Variants in ATP8B3 observed in about 807,000 individuals in gnomAD.
ATP8B3 encodes phospholipid-transporting ATPase IK.
ATP8B3 carries 141 observed loss-of-function variants against 140.9 expected under a neutral mutation model. That is an observed-to-expected ratio of 1.00 (90% CI 0.87 to 1.15). The LOEUF is 1.15. Ranked by LOEUF, ATP8B3 falls within the 50% of genes most tolerant of loss-of-function variation. ATP8B3 has a pLI of 0.00. For synonymous variants in ATP8B3, 765 were observed against 714.6 expected (o/e 1.07, Z -1.13); for missense variants, 1,874 against 1,740.6 (o/e 1.08, Z -1.36).
At chr19:1,784,715 C>A in intron 28 of ATP8B3, 104 bp downstream of exon 28, 1 of 1,400,490 alleles carries the variant, frequency 7.1e-7, no homozygotes. Flanking sequence ...TCTTGGAGGG[C>A]CGAGAGGGGC....
At position 1,806,039 on chromosome 19, in the gene ATP8B3, G is replaced by T; in HGVS notation, c.750+58C>A. ...GCGGCAGCCCTCCCCACCCTGGGAG[G>T]GGTGCTCTCGGTGAGGGGGCGCGTG... On this transcript the variant is annotated intron_variant, in intron 8 of 28. Transcript: ENST00000310127. This position sits in a 1 kb window ranked among gnomAD's most constrained non-coding sequence, Gnocchi z 5.6. 6.2e-7 allele frequency: 1 copy of T among 1,605,968 alleles called. No individual in the cohort carries two copies. The highest frequency in any genetic ancestry group is 8.5e-7 in the Non-Finnish European group (1 of 1,176,806).
rs56937286 is a variant in ATP8B3, at chr19:1,803,896, C to CAA, written c.905-1253_905-1252dup. 6.7e-3 allele frequency among the ~76,000 whole-genome samples: 481 copies of CAA among 71,782 alleles called. 6 individuals carry two copies. Among genetic ancestry groups the CAA allele is most frequent in the African/African-American group, 0.019 (394 of 20,416 alleles). 47.1% of individuals were successfully genotyped at this position (71,782 alleles called of 152,430 possible). ...GGGCAACAAGAGCGAGACTCTGTCT[C>CAA]AAAAAAAAAAAAAAAAAAAAAAAGG... is the stretch of plus-strand genomic sequence containing the variant. On this transcript the variant is annotated intron_variant, in intron 10 of 28. Coordinates refer to ENST00000310127, the MANE Select transcript of ATP8B3 (RefSeq NM_138813.4).
In ATP8B3 at chr19:1,785,492, A is replaced by AAGAC. The variant is rs778572569; in HGVS notation, c.3366_3369dup (p.Cys1124ValfsTer136). On this transcript the variant is annotated frameshift_variant, in exon 26 of 29. Coordinates refer to ENST00000310127, the MANE Select transcript of ATP8B3 (RefSeq NM_138813.4). LOFTEE classifies it high-confidence loss of function. ...ACCTCCATGGTGATGGACAGCAGGC[A>AAGAC]AGACAGGGCCACCACGACCGCAAAG... The AAGAC allele has an allele frequency of 1.9e-6, 3 of 1,612,768 alleles. No homozygotes were observed. In the African/African-American group the frequency reaches 4.0e-5, roughly 22 times the overall value.
rs570250779 is a variant in ATP8B3, at chr19:1,797,604, A to G, written c.1553-599T>C. ...AACCTCAGCCTCCTGGGTTCAAGTG[A>G]CTCTCCTGTCTCAGCCTCCCGAGTA... On this transcript the variant is annotated intron_variant, in intron 14 of 28. Coordinates refer to ENST00000310127, the MANE Select transcript of ATP8B3 (RefSeq NM_138813.4). Among the ~76,000 whole-genome samples the G allele has an allele frequency of 9.1e-4, 138 of 151,052 alleles. 3 individuals are homozygous for G. The South Asian group carries it at 0.027, about 29-fold the overall frequency.
In ATP8B3 at chr19:1,805,350, G is replaced by A; in HGVS notation, c.904+24C>T. The A allele has an allele frequency of 1.3e-6, 2 of 1,536,376 alleles. No homozygotes were observed. Among genetic ancestry groups the A allele is most frequent in the Non-Finnish European group, 1.8e-6 (2 of 1,130,466 alleles). ...TAACTTTTACAGATTCGAGGGACGT[G>A]ACTCCCTGCTCAACGCCTCTCACCT... On this transcript the variant is annotated intron_variant, in intron 10 of 28. Coordinates refer to ENST00000310127, the MANE Select transcript of ATP8B3 (RefSeq NM_138813.4). This position sits in a 1 kb window ranked among gnomAD's most constrained non-coding sequence, Gnocchi z 5.2.
chr19:1,785,402 G>T, intron 26 of ATP8B3, 67 bp downstream of exon 26: 10 of 1,573,322 alleles, frequency 6.4e-6, no homozygotes, highest in Non-Finnish European at 8.6e-6. Flanking sequence ...CCAAAGCAGG[G>T]GTCCCCAGGG....
chr19:1,790,047 C>A (rs1307776212), intron 21 of ATP8B3, 58 bp from the exon 22 acceptor site: 1 of 1,369,596 alleles, frequency 7.3e-7, no homozygotes, highest in African/African-American at 1.4e-5. Context: ...CCCACTTCCC[C>A]GGGGGCTCCA....
In ATP8B3 at chr19:1,789,667, C is replaced by T. The variant is rs763384157; in HGVS notation, c.2539G>A (p.Asp847Asn). 3.1e-6 allele frequency: 5 copies of T among 1,602,042 alleles called. No homozygotes were observed. In the Admixed American group the frequency reaches 8.4e-5, roughly 27 times the overall value. ...TGGCCGAGCTCCTGCCACGCCTCGT[C>T]CATGTTCACGTTCTGCGCCAGGGCG... ...PRALAQNVNM[D>N]EAWQELGQSR... Residue 847 changes from aspartate to asparagine, a missense_variant, in exon 23 of 29, where the codon GAC (aspartate) becomes AAC (asparagine). Physicochemically the swap from Asp to Asn is conservative, Grantham distance 23. Coordinates refer to ENST00000310127, the MANE Select transcript of ATP8B3 (RefSeq NM_138813.4).
At chr19:1,796,399 A>G in intron 16 of ATP8B3, 134 bp from the exon 17 acceptor site, 1 of 898,094 alleles carries the variant, frequency 1.1e-6, no homozygotes, top group South Asian at 1.7e-5. Flanking sequence ...TGTACAACCC[A>G]ATGCATGGAG....
chr19:1,806,377 G>A lies in ATP8B3; in HGVS notation c.678-208C>T, dbSNP rs894418155. ...GTGACCTCCAGGGTCCTGCACCCAC[G>A]TCCTCTTCAGACTTTCCTTGTCCTC... is the stretch of plus-strand genomic sequence containing the variant. On this transcript the variant is annotated intron_variant, in intron 7 of 28. Transcript: ENST00000310127. This position sits in a 1 kb window ranked among gnomAD's most constrained non-coding sequence, Gnocchi z 5.6. The A allele has an allele frequency of 1.3e-5, 19 of 1,444,716 alleles. No individual in the cohort carries two copies. Among genetic ancestry groups the A allele is most frequent in the Middle Eastern group, 2.5e-4 (1 of 3,934 alleles). The allele number at this position is 1,444,716 out of a possible 1,614,324, so 89.5% of individuals were successfully genotyped here.
rs769925970 is a variant in ATP8B3, at chr19:1,792,049, G to A, written c.2142C>T (p.His714=). Residue 714 remains histidine, a synonymous_variant, in exon 19 of 29, where the codon CAC becomes CAT. Transcript: ENST00000310127. ...TCTGCAGCAGGAGGCTGGCCTCCTG[G>A]TGGCGCTGCTGCCAGTCCTCGTAAA... ...EDIYEDWQQR[H]QEASLLLQNR... 1.0e-5 allele frequency: 16 copies of A among 1,557,702 alleles called. No individual in the cohort carries two copies. The highest frequency in any genetic ancestry group is 1.7e-4 in the Middle Eastern group (1 of 6,008).
rs2068260357 is a variant in ATP8B3 at position 1,785,072 on chromosome 19, G to T, written c.3532+87C>A. 4.7e-6 allele frequency: 7 copies of T among 1,482,352 alleles called. No homozygotes were observed. In the Admixed American group the frequency reaches 1.7e-4, roughly 36 times the overall value. 91.8% of individuals were successfully genotyped at this position (1,482,352 alleles called of 1,614,324 possible). The stretch of plus-strand genomic sequence containing the variant: ...GCGCCTTCCCCAGGACACTTTGCCG[G>T]ACGACTGTCATGAGCAACCTGCAAC... On this transcript the variant is annotated intron_variant, in intron 27 of 28. Coordinates refer to ENST00000310127, the MANE Select transcript of ATP8B3 (RefSeq NM_138813.4).
chr19:1,804,645 A>G (rs1395460488), intron 10 of ATP8B3, among the ~76,000 whole-genome samples: 2 of 151,900 alleles, frequency 1.3e-5, no homozygotes, highest in Non-Finnish European at 2.9e-5. Context: ...GTCTCTATTA[A>G]AAATACAAAA....
intron 26 of ATP8B3, 26 bp downstream of exon 26, chr19:1,785,443 C>G (rs763530107): frequency 1.2e-6 from 2 of 1,608,760 alleles, no homozygotes; most frequent in Non-Finnish European, 1.7e-6. Context: ...TGTCCAAGGC[C>G]CCGGGGAGGT....
Position 1,806,015 on chromosome 19 carries a change from C to A in ATP8B3, c.751-57G>T. The A allele has an allele frequency of 6.2e-7, 1 of 1,606,026 alleles. No individual in the cohort carries two copies. Among genetic ancestry groups the A allele is most frequent in the Non-Finnish European group, 8.5e-7 (1 of 1,176,430 alleles). On this transcript the variant is annotated intron_variant, in intron 8 of 28. Coordinates refer to ENST00000310127, the MANE Select transcript of ATP8B3 (RefSeq NM_138813.4). The surrounding 1 kb of genome is among the most constrained non-coding windows in gnomAD (Gnocchi z 5.6). ...GGGGATGCAAGACAAATTGGGGGTG[C>A]GGCAGCCCTCCCCACCCTGGGAGGG...
Position 1,806,058 on chromosome 19 carries a change from G to T in ATP8B3, c.750+39C>A. 6.2e-7 allele frequency: 1 copy of T among 1,602,646 alleles called. No individual in the cohort carries two copies. Among genetic ancestry groups the T allele is most frequent in the Non-Finnish European group, 8.5e-7 (1 of 1,175,374 alleles). ...TGGGAGGGGTGCTCTCGGTGAGGGG[G>T]CGCGTGGTTCTGGGACCTCGGGGTC... On this transcript the variant is annotated intron_variant, in intron 8 of 28. Transcript: ENST00000310127. This position sits in a 1 kb window ranked among gnomAD's most constrained non-coding sequence, Gnocchi z 5.6.
In ATP8B3 at chr19:1,799,990, G is replaced by A; in HGVS notation, c.1509C>T (p.Asn503=). ...FSDKTGTLTQ[N]ILTFNKCCIS... ...TGCAGCACTTGTTGAAGGTCAAGAT[G>A]TTCTGCGTGAGCGTGCCCGTCTTGT... The change falls in exon 14 of 29, where the codon AAC becomes AAT. Residue 503 remains asparagine (N), a synonymous_variant. Transcript: ENST00000310127. The A allele has an allele frequency of 6.2e-7, 1 of 1,606,498 alleles. No homozygotes were observed.
rs747931063 is a variant in ATP8B3, at chr19:1,808,288, C to T, written c.450G>A (p.Pro150=). 1.4e-5 allele frequency: 23 copies of T among 1,613,018 alleles called. No homozygotes were observed. Among genetic ancestry groups the T allele is most frequent in the East Asian group, 4.5e-5 (2 of 44,856 alleles). Residue 150 remains proline, a synonymous_variant, in exon 5 of 29, where the codon CCG becomes CCA. Transcript: ENST00000310127. The part of the protein sequence containing the change: ...TAKYNFYSFL[P]LNLYEQFHRV... ...GGTGGAACTGCTCGTACAGGTTCAG[C>T]GGCAGGAACGAGTAGAAGTTGTACT...
Position 1,796,234 on chromosome 19 carries a change from G to A in ATP8B3, c.1785C>T (p.Asp595=), listed in dbSNP as rs777472676. 18 of 1,612,220 alleles carry A rather than the reference G, an allele frequency of 1.1e-5. 1 individual carries two copies. Among genetic ancestry groups the A allele is most frequent in the African/African-American group, 8.0e-5 (6 of 75,048 alleles). The change falls in exon 17 of 29, where the codon GAC becomes GAT. Residue 595 remains aspartate, a synonymous_variant. Transcript: ENST00000310127. ...DQLLYQAASP[D]EGALVTAARN... ...GGGCTGCGGTGACCAGCGCCCCCTC[G>A]TCGGGGGAGGCCGCCTGGTACAACA...
Sources: allele counts gnomAD v4.1 joint callset (sites outside exome capture counted in the v4.1 genomes callset), GRCh38; gene constraint gnomAD v4.1.1; non-coding constraint Gnocchi (gnomAD v3.1); transcripts MANE v1.5; gene names NCBI Gene and HGNC (gene_info 2026-07-23, HGNC 2026-07-21).